LRRC7: variants seen among roughly 807,000 people sequenced by gnomAD.
LRRC7 encodes leucine rich repeat containing 7.
LRRC7 carries 23 observed loss-of-function variants against 175.7 expected under a neutral mutation model. That is an observed-to-expected ratio of 0.13 (90% CI 0.09 to 0.19). LRRC7 has a LOEUF of 0.19. Among genes scored for constraint, LRRC7 ranks in the 10% least tolerant of loss-of-function variants. The pLI, the probability that LRRC7 is intolerant of heterozygous loss-of-function variation, is 1.00. For missense variants in LRRC7, 1,354 were observed against 1,904.7 expected, an observed-to-expected ratio of 0.71 and a Z score of 5.38; for synonymous variants, 685 against 680.9, an observed-to-expected ratio of 1.01 and a Z score of -0.09.
chr1:69,679,980 A>C (rs1382417624), intron 2 of LRRC7, among the ~76,000 whole-genome samples: 2 of 152,130 alleles, frequency 1.3e-5, no homozygotes. Context: ...TTTGCACTAC[A>C]AAGGAAGAAT....
At chr1:69,577,695 T>G (rs1233049910) in intron 1 of LRRC7, among the ~76,000 whole-genome samples, 1 of 152,180 alleles carries the variant, frequency 6.6e-6, no homozygotes, top group Non-Finnish European at 1.5e-5. Context: ...GTTGTAGATA[T>G]GCAGTGTTAT....
chr1:70,120,140 A>G (rs1187445595), intron 26 of LRRC7, among the ~76,000 whole-genome samples: 1 of 152,086 alleles, frequency 6.6e-6, no homozygotes, highest in Non-Finnish European at 1.5e-5. Flanking sequence ...CAGAAATAAC[A>G]TCAAATGTAA....
rs1341438797 is a variant in LRRC7, at chr1:70,126,152, C to T, written c.*4265C>T. On this transcript the variant is annotated 3_prime_UTR_variant, in exon 27 of 27. Coordinates refer to ENST00000651989, the MANE Select transcript of LRRC7 (RefSeq NM_001370785.2). ...TGATGAATACATTCTCATCAAGAGG[C>T]AAGAATACAACATAACCAGGTCAAA... Among the ~76,000 whole-genome samples the T allele has an allele frequency of 6.6e-6, 1 of 152,004 alleles. No homozygotes were observed. Among genetic ancestry groups the T allele is most frequent in the Admixed American group, 6.6e-5 (1 of 15,258 alleles).
At chr1:69,687,138 T>A (rs1661246560) in intron 2 of LRRC7, among the ~76,000 whole-genome samples, 1 of 152,324 alleles carries the variant, frequency 6.6e-6, no homozygotes, top group East Asian at 1.9e-4. Flanking sequence ...TTATCTTTTA[T>A]TTAGCCCAAC....
intron 2 of LRRC7, among the ~76,000 whole-genome samples, chr1:69,747,007 T>A (rs572185068): frequency 6.6e-6 from 1 of 152,252 alleles, no homozygotes; most frequent in Admixed American, 6.5e-5. Context: ...TTGTGCCTAT[T>A]CCCATCATCT....
At chr1:69,865,125 T>C (rs1240983062) in intron 7 of LRRC7, among the ~76,000 whole-genome samples, 1 of 152,162 alleles carries the variant, frequency 6.6e-6, no homozygotes, top group Non-Finnish European at 1.5e-5. Flanking sequence ...ACTTCCACCC[T>C]ACCCGCAATG....
At chr1:70,043,818 C>T in intron 21 of LRRC7, 136 bp from the exon 22 acceptor site, 2 of 934,364 alleles carry the variant, frequency 2.1e-6, no homozygotes, top group Admixed American at 5.0e-5. Flanking sequence ...TCTGTCTGAT[C>T]AAGTGCATGT....
chr1:69,998,360 A>G (rs1363438509), intron 11 of LRRC7, among the ~76,000 whole-genome samples: 1 of 152,160 alleles, frequency 6.6e-6, no homozygotes, highest in East Asian at 1.9e-4. Flanking sequence ...AGAGTGGAAC[A>G]ACTTGCTAAA....
At chr1:69,843,580 TTTA>T (rs1681984570) in intron 7 of LRRC7, among the ~76,000 whole-genome samples, 1 of 152,236 alleles carries the variant, frequency 6.6e-6, no homozygotes, top group Admixed American at 6.5e-5. Flanking sequence ...CATCATTGCT[TTTA>T]TTAAGTGATT....
chr1:69,880,814 T>C (rs182233237), intron 7 of LRRC7, among the ~76,000 whole-genome samples: 157 of 152,330 alleles, frequency 1.0e-3, no homozygotes, highest in African/African-American at 3.5e-3. Flanking sequence ...GTTCCTTAAA[T>C]CAGGGCTTTA....
chr1:70,096,335 C>G (rs986579497), intron 25 of LRRC7, among the ~76,000 whole-genome samples: 7 of 152,142 alleles, frequency 4.6e-5, no homozygotes, highest in Admixed American at 4.6e-4. Context: ...TTTACATAGT[C>G]TAAGTATCTG....
rs78227010 is a variant in LRRC7, at chr1:69,950,352, T to C, written c.711+18782T>C. Reference sequence around the variant, plus strand: ...TAAATACGGAAGAGATAACAACTCATAGACATGAGGAGTGATGACAGAAGA... The same window carrying C: ...TAAATACGGAAGAGATAACAACTCACAGACATGAGGAGTGATGACAGAAGA... On this transcript the variant is annotated intron_variant, in intron 8 of 26. Coordinates refer to ENST00000651989, the MANE Select transcript of LRRC7 (RefSeq NM_001370785.2). 8.7e-3 allele frequency among the ~76,000 whole-genome samples: 1,326 copies of C among 152,100 alleles called. 27 individuals are homozygous for C. Among genetic ancestry groups the C allele is most frequent in the African/African-American group, 0.031 (1,286 of 41,504 alleles).
At chr1:69,659,840 C>T (rs993028098) in intron 1 of LRRC7, among the ~76,000 whole-genome samples, 2 of 151,032 alleles carry the variant, frequency 1.3e-5, no homozygotes, top group Non-Finnish European at 3.0e-5. Context: ...TCATGATTTC[C>T]AAAGTAGAAA....
chr1:69,617,547 T>TAAAAAAAAAAAAAAAAAAAA lies in LRRC7; in HGVS notation c.2+48912_2+48931dup, dbSNP rs11473590. Among the ~76,000 whole-genome samples the TAAAAAAAAAAAAAAAAAAAA allele has an allele frequency of 8.4e-4, 52 of 62,004 alleles. 4 individuals carry two copies. The highest frequency in any genetic ancestry group is 1.2e-3 in the Non-Finnish European group (41 of 33,668). 40.7% of individuals were successfully genotyped at this position (62,004 alleles called of 152,430 possible). ...GCTGAAGGTTGTTATATACTCACAG[T>TAAAAAAAAAAAAAAAAAAAA]AAAAAAAAAAAAAAAAAAAAAAAAA... On this transcript the variant is annotated intron_variant, in intron 1 of 26. Transcript: ENST00000651989.
intron 7 of LRRC7, among the ~76,000 whole-genome samples, chr1:69,889,156 G>T (rs1171092614): frequency 2.0e-5 from 3 of 152,140 alleles, no homozygotes; most frequent in African/African-American, 7.2e-5. Context: ...TGTTGATAGA[G>T]GGTCTTTCCT....
chr1:69,892,544 G>A (rs1053480200), intron 7 of LRRC7, among the ~76,000 whole-genome samples: 6 of 152,188 alleles, frequency 3.9e-5, no homozygotes, highest in South Asian at 4.1e-4. Flanking sequence ...ACATGAAATC[G>A]TATGAATTAC....
chr1:70,089,621 C>A, intron 24 of LRRC7, 106 bp from the exon 25 acceptor site: 1 of 755,682 alleles, frequency 1.3e-6, no homozygotes, highest in Non-Finnish European at 2.1e-6. Flanking sequence ...TAGGCTAACC[C>A]TAAGAAACCA....
rs1553155061 is a variant in LRRC7 at position 69,781,688 on chromosome 1, G to GAAGA, written c.304-10310_304-10307dup. ...CAGAGCAAGACTGTCTCAAAAAAAA[G>GAAGA]AAGAAAGAAAGAAAGAAAGAAAGAA... is the stretch of plus-strand genomic sequence containing the variant. On this transcript the variant is annotated intron_variant, in intron 3 of 26. Transcript: ENST00000651989. 5.8e-3 allele frequency among the ~76,000 whole-genome samples: 255 copies of GAAGA among 43,958 alleles called. 21 individuals are homozygous for GAAGA. The highest frequency in any genetic ancestry group is 0.014 in the Middle Eastern group (1 of 74). 28.8% of individuals were successfully genotyped at this position (43,958 alleles called of 152,430 possible). A position where few individuals can be genotyped will look rare whatever the true frequency, so the allele number is the denominator to read the frequency against.
In LRRC7 at chr1:70,129,116, G is replaced by A. The variant is rs919458045; in HGVS notation, c.*7229G>A. 5.9e-5 allele frequency among the ~76,000 whole-genome samples: 9 copies of A among 152,020 alleles called. No individual in the cohort carries two copies. The highest frequency in any genetic ancestry group is 3.9e-4 in the East Asian group (2 of 5,168). ...TGAAAAATTAGCCGGGCATTGTGGC[G>A]CGCACCTGTAATCCTAGTTACTGGG... On this transcript the variant is annotated 3_prime_UTR_variant, in exon 27 of 27. Coordinates refer to ENST00000651989, the MANE Select transcript of LRRC7 (RefSeq NM_001370785.2).
Sources: gnomAD v4.1 joint callset for allele counts (sites outside exome capture counted in the v4.1 genomes callset) on GRCh38, gnomAD v4.1.1 for gene constraint, MANE v1.5 for transcripts, NCBI Gene and HGNC (gene_info 2026-07-23, HGNC 2026-07-21) for gene names.